Variants in CSMD1 observed in about 807,000 individuals in gnomAD.
CSMD1 encodes the protein CUB and Sushi multiple domains 1, also known as CUB and sushi domain-containing protein 1.
A neutral mutation model predicts 417.5 loss-of-function variants in CSMD1; 213 were observed. The observed-to-expected ratio is 0.51, with a 90% CI of 0.46 to 0.57. The LOEUF (loss-of-function observed/expected upper bound fraction) is 0.57. Among genes scored for constraint, CSMD1 ranks in the 20% least tolerant of loss-of-function variants. The pLI is 0.00. For synonymous variants in CSMD1, 2,862 were observed against 1,736.8 expected, an observed-to-expected ratio of 1.65 and a Z score of -16.11; for missense variants, 6,923 against 4,529.7, an observed-to-expected ratio of 1.53 and a Z score of -15.17.
At chr8:4,933,273 A>C (rs963418618) in intron 1 of CSMD1, among the ~76,000 whole-genome samples, 2 of 152,284 alleles carry the variant, frequency 1.3e-5, no homozygotes, top group Admixed American at 1.3e-4. Context: ...GAAAAGCAAC[A>C]GCAACATTCT....
chr8:3,496,162 G>T (rs1032207561), intron 10 of CSMD1, among the ~76,000 whole-genome samples: 1 of 152,132 alleles, frequency 6.6e-6, no homozygotes, highest in African/African-American at 2.4e-5. Context: ...TGCGGTGTTT[G>T]GTTTTCTACT....
chr8:4,113,718 A>G (rs1276003385), intron 3 of CSMD1, among the ~76,000 whole-genome samples: 4 of 152,172 alleles, frequency 2.6e-5, no homozygotes, highest in Non-Finnish European at 4.4e-5. Flanking sequence ...CTACTCTTAT[A>G]AGTGCATGAA....
chr8:4,897,217 C>T (rs576086183), intron 1 of CSMD1, among the ~76,000 whole-genome samples: 2 of 152,008 alleles, frequency 1.3e-5, no homozygotes, highest in Admixed American at 6.5e-5. Context: ...ACTCACAACA[C>T]GTCTGTTTTG....
At chr8:4,812,811 A>T (rs943693804) in intron 1 of CSMD1, among the ~76,000 whole-genome samples, 1 of 152,154 alleles carries the variant, frequency 6.6e-6, no homozygotes, top group Non-Finnish European at 1.5e-5. Flanking sequence ...AGGAAAACAC[A>T]TTTCTAATAC....
intron 10 of CSMD1, among the ~76,000 whole-genome samples, chr8:3,535,334 C>T (rs1798151905): frequency 6.6e-6 from 1 of 152,096 alleles, no homozygotes; most frequent in African/African-American, 2.4e-5. Flanking sequence ...ATATACCATG[C>T]TGAGTCACTA....
intron 2 of CSMD1, among the ~76,000 whole-genome samples, chr8:4,427,446 G>C (rs1252959156): frequency 1.3e-5 from 2 of 151,764 alleles, no homozygotes; most frequent in Non-Finnish European, 2.9e-5. Flanking sequence ...ATCCGGGGAA[G>C]ATGCAATCAA....
intron 3 of CSMD1, among the ~76,000 whole-genome samples, chr8:4,402,878 G>C (rs751582352): frequency 2.1e-5 from 3 of 142,112 alleles, no homozygotes; most frequent in African/African-American, 5.3e-5. Context: ...GGAGTGCAGC[G>C]GCGCAATCTG....
chr8:4,596,548 T>G, intron 2 of CSMD1, among the ~76,000 whole-genome samples: 1 of 137,848 alleles, frequency 7.3e-6, no homozygotes, highest in South Asian at 2.6e-4. Flanking sequence ...GCTATAAGCT[T>G]TTCTAAAAAA....
At chr8:4,520,057 A>G (rs546829982) in intron 2 of CSMD1, among the ~76,000 whole-genome samples, 10 of 151,992 alleles carry the variant, frequency 6.6e-5, no homozygotes, top group Non-Finnish European at 1.0e-4. Flanking sequence ...TTAACACTCA[A>G]CTTTCTCTTT....
chr8:3,907,656 A>T (rs1167351780), intron 5 of CSMD1, among the ~76,000 whole-genome samples: 1 of 152,160 alleles, frequency 6.6e-6, no homozygotes, highest in Non-Finnish European at 1.5e-5. Context: ...TTCACTTTGT[A>T]TTAGGAAGAT....
intron 5 of CSMD1, among the ~76,000 whole-genome samples, chr8:3,923,109 T>G (rs541731472): frequency 6.6e-6 from 1 of 152,150 alleles, no homozygotes; most frequent in Admixed American, 6.6e-5. Flanking sequence ...CTGGGACTCA[T>G]GCCAAACAAC....
intron 7 of CSMD1, among the ~76,000 whole-genome samples, chr8:3,672,494 T>C (rs1271908425): frequency 6.6e-6 from 1 of 151,906 alleles, no homozygotes; most frequent in African/African-American, 2.4e-5. Flanking sequence ...GCTATTTCAG[T>C]TTTAAATATT....
chr8:4,905,074 A>G (rs1805150968), intron 1 of CSMD1, among the ~76,000 whole-genome samples: 2 of 152,188 alleles, frequency 1.3e-5, no homozygotes, highest in Admixed American at 1.3e-4. Flanking sequence ...TTTCTCTGCC[A>G]GCATAGGATC....
At chr8:3,763,224 C>A (rs1241176943) in intron 5 of CSMD1, among the ~76,000 whole-genome samples, 19 of 152,134 alleles carry the variant, frequency 1.2e-4, no homozygotes, top group Non-Finnish European at 4.4e-5. Context: ...ATATGAAACC[C>A]TCGATGTTAT....
intron 5 of CSMD1, among the ~76,000 whole-genome samples, chr8:3,968,396 G>T (rs923998866): frequency 3.3e-5 from 5 of 152,074 alleles, no homozygotes; most frequent in African/African-American, 1.2e-4. Context: ...CACTGAGCAC[G>T]GCTCTTCTTC....
intron 4 of CSMD1, among the ~76,000 whole-genome samples, chr8:4,029,230 G>C (rs1457571495): frequency 6.6e-6 from 1 of 152,206 alleles, no homozygotes; most frequent in Non-Finnish European, 1.5e-5. Flanking sequence ...AATCCATGAA[G>C]ACTGAAAAAC....
intron 26 of CSMD1, among the ~76,000 whole-genome samples, chr8:3,244,825 C>T (rs1041090747): frequency 2.6e-5 from 4 of 152,304 alleles, no homozygotes; most frequent in South Asian, 2.1e-4. Flanking sequence ...GTGCGGGATC[C>T]GTCTTCAGCA....
intron 3 of CSMD1, among the ~76,000 whole-genome samples, chr8:4,154,152 T>G (rs1796709152): frequency 6.6e-6 from 1 of 152,162 alleles, no homozygotes; most frequent in Admixed American, 6.6e-5. Flanking sequence ...AGATATACAA[T>G]TTTACACCTA....
chr8:3,065,434 A>G (rs1812877071), intron 49 of CSMD1, among the ~76,000 whole-genome samples: 1 of 152,144 alleles, frequency 6.6e-6, no homozygotes, highest in Non-Finnish European at 1.5e-5. Flanking sequence ...AGATGATAGG[A>G]AGATAGATAC....
Sources: gnomAD v4.1 joint callset for allele counts (sites outside exome capture counted in the v4.1 genomes callset) on GRCh38, gnomAD v4.1.1 for gene constraint, MANE v1.5 for transcripts, NCBI Gene and HGNC (gene_info 2026-07-23, HGNC 2026-07-21) for gene names.